Variants in CLSTN2 observed in about 807,000 individuals in gnomAD.
CLSTN2 encodes the protein calsyntenin 2.
Under a neutral mutation model 101.2 loss-of-function variants are expected in CLSTN2, and 48 were observed. The ratio of observed to expected loss-of-function variants is 0.47; its 90% CI spans 0.38 to 0.60. The LOEUF (loss-of-function observed/expected upper bound fraction) is 0.60. CLSTN2 is among the 20% of genes least tolerant of loss of function. The pLI, the probability that CLSTN2 is intolerant of heterozygous loss-of-function variation, is 0.00. For synonymous variants in CLSTN2, 481 were observed against 463.6 expected (o/e 1.04, Z -0.48); for missense variants, 1,160 against 1,238.2 (o/e 0.94, Z 0.95).
At chr3:140,110,332 A>T (rs550023730) in intron 1 of CLSTN2, among the ~76,000 whole-genome samples, 2 of 152,326 alleles carry the variant, frequency 1.3e-5, no homozygotes, top group African/African-American at 4.8e-5. Flanking sequence ...AGATCAGGGC[A>T]TGAACTACTC....
At chr3:140,033,778 T>C (rs538152782) in intron 1 of CLSTN2, among the ~76,000 whole-genome samples, 3 of 152,048 alleles carry the variant, frequency 2.0e-5, no homozygotes, top group South Asian at 4.1e-4. Context: ...CATAGGCGGG[T>C]GAAATTATAC....
At chr3:139,987,028 T>A (rs1291531538) in intron 1 of CLSTN2, among the ~76,000 whole-genome samples, 1 of 131,806 alleles carries the variant, frequency 7.6e-6, no homozygotes, top group African/African-American at 2.5e-5. Context: ...AGCTTGATGC[T>A]GTTAAAAAAA....
At chr3:140,260,254 T>G (rs1275449166) in intron 2 of CLSTN2, among the ~76,000 whole-genome samples, 1 of 151,550 alleles carries the variant, frequency 6.6e-6, no homozygotes, top group Non-Finnish European at 1.5e-5. Context: ...TGAGAACGGT[T>G]AAACGGAATG....
At chr3:140,092,874 G>T (rs2008804319) in intron 1 of CLSTN2, among the ~76,000 whole-genome samples, 1 of 152,188 alleles carries the variant, frequency 6.6e-6, no homozygotes, top group African/African-American at 2.4e-5. Flanking sequence ...GTGCTGCCTG[G>T]CTCCTCCTAC....
At chr3:140,376,750 A>T (rs1576539493) in intron 2 of CLSTN2, among the ~76,000 whole-genome samples, 1 of 152,230 alleles carries the variant, frequency 6.6e-6, no homozygotes, top group East Asian at 1.9e-4. Flanking sequence ...TAATTGAAAT[A>T]AACTACCATG....
intron 1 of CLSTN2, among the ~76,000 whole-genome samples, chr3:140,067,581 G>T (rs1258157135): frequency 6.6e-6 from 1 of 152,206 alleles, no homozygotes; most frequent in African/African-American, 2.4e-5. Flanking sequence ...TCTCAGAAAG[G>T]TTAAAAAATT....
At chr3:140,096,888 A>G (rs574321822) in intron 1 of CLSTN2, among the ~76,000 whole-genome samples, 1 of 152,346 alleles carries the variant, frequency 6.6e-6, no homozygotes, top group East Asian at 1.9e-4. Flanking sequence ...AAGAGGCAGT[A>G]GGCAGAGTAG....
intron 4 of CLSTN2, among the ~76,000 whole-genome samples, chr3:140,418,611 G>A (rs967842148): frequency 6.8e-6 from 1 of 147,672 alleles, no homozygotes; most frequent in Non-Finnish European, 1.5e-5. Context: ...TCTGCCTCCC[G>A]GGTTCAAGTG....
intron 1 of CLSTN2, among the ~76,000 whole-genome samples, chr3:139,967,641 G>C (rs1213827525): frequency 3.9e-5 from 6 of 152,146 alleles, no homozygotes; most frequent in Non-Finnish European, 7.3e-5. Context: ...ATACCTTTCT[G>C]TTTCCCCTCC....
chr3:140,103,535 A>T (rs1184998302), intron 1 of CLSTN2, among the ~76,000 whole-genome samples: 1 of 152,236 alleles, frequency 6.6e-6, no homozygotes, highest in Non-Finnish European at 1.5e-5. Context: ...CAGCATTGAT[A>T]AGTGAGTTCT....
rs756758163 is a variant in CLSTN2, at chr3:140,421,213, C to A, written c.726C>A (p.Pro242=). 3 of 1,614,132 alleles carry A rather than the reference C, an allele frequency of 1.9e-6. No homozygotes were observed. The highest frequency in any genetic ancestry group is 2.5e-6 in the Non-Finnish European group (3 of 1,180,006). ...CCGCCTACGACTGTGGACAGAAGCC[C>A]GCTGCTCAGGACACCCTGGTGCAGG... ...LVTAYDCGQK[P]AAQDTLVQVD... The change falls in exon 5 of 17, where the codon CCC becomes CCA. Residue 242 remains proline, a synonymous_variant. Coordinates refer to ENST00000458420, the MANE Select transcript of CLSTN2 (RefSeq NM_022131.3).
chr3:139,992,411 G>A (rs763612558), intron 1 of CLSTN2, among the ~76,000 whole-genome samples: 5 of 152,106 alleles, frequency 3.3e-5, no homozygotes, highest in African/African-American at 9.7e-5. Context: ...GGAGGGAGTG[G>A]TGGGCCAGGA....
In CLSTN2 at chr3:140,082,420, T is replaced by C. The variant is rs191994698; in HGVS notation, c.110-93531T>C. ...TGGGCCATCTTTTCAGGCTTTGCATTGCAGGGGACAGGCCAACAAGGTTGG... is the reference window on the plus strand; with the variant it reads ...TGGGCCATCTTTTCAGGCTTTGCATCGCAGGGGACAGGCCAACAAGGTTGG... On this transcript the variant is annotated intron_variant, in intron 1 of 16. Coordinates refer to ENST00000458420, the MANE Select transcript of CLSTN2 (RefSeq NM_022131.3). 1.8e-3 allele frequency among the ~76,000 whole-genome samples: 270 copies of C among 152,290 alleles called. 1 individual carries two copies. Among genetic ancestry groups the C allele is most frequent in the Non-Finnish European group, 1.7e-3 (119 of 68,016 alleles).
At chr3:140,015,965 G>T (rs377139997) in intron 1 of CLSTN2, among the ~76,000 whole-genome samples, 1 of 152,214 alleles carries the variant, frequency 6.6e-6, no homozygotes, top group Non-Finnish European at 1.5e-5. Context: ...GCCGTTCTGG[G>T]ACACAAAGCT....
intron 5 of CLSTN2, among the ~76,000 whole-genome samples, chr3:140,439,451 T>G (rs1468901549): frequency 1.3e-5 from 2 of 152,228 alleles, no homozygotes; most frequent in African/African-American, 4.8e-5. Context: ...ACAGAGTCAG[T>G]CATCACAGTG....
At chr3:140,312,092 A>T (rs2087174871) in intron 2 of CLSTN2, among the ~76,000 whole-genome samples, 2 of 152,174 alleles carry the variant, frequency 1.3e-5, no homozygotes, top group African/African-American at 4.8e-5. Context: ...ATCTTCCCCA[A>T]ATGCTTGGAA....
intron 1 of CLSTN2, among the ~76,000 whole-genome samples, chr3:140,042,028 C>T (rs1267675279): frequency 1.3e-5 from 2 of 152,192 alleles, no homozygotes; most frequent in African/African-American, 2.4e-5. Flanking sequence ...TAGAATTTAT[C>T]TGCCATACAA....
At chr3:140,374,411 T>A (rs1219034201) in intron 2 of CLSTN2, among the ~76,000 whole-genome samples, 1 of 152,222 alleles carries the variant, frequency 6.6e-6, no homozygotes, top group African/African-American at 2.4e-5. Context: ...GCCTGGTGTG[T>A]CCTCACAGAG....
intron 1 of CLSTN2, among the ~76,000 whole-genome samples, chr3:140,016,249 C>A (rs1401293425): frequency 6.6e-6 from 1 of 152,170 alleles, no homozygotes; most frequent in Non-Finnish European, 1.5e-5. Flanking sequence ...GGCTTGGAAT[C>A]CCTCAGTCTG....
Sources: allele counts gnomAD v4.1 joint callset (sites outside exome capture counted in the v4.1 genomes callset), GRCh38; gene constraint gnomAD v4.1.1; transcripts MANE v1.5; gene names NCBI Gene and HGNC (gene_info 2026-07-23, HGNC 2026-07-21).